The following WDPCP variants were observed in gnomAD, a reference collection of about 807,000 sequenced individuals.
WDPCP encodes WD repeat-containing and planar cell polarity effector protein fritz homolog.
WDPCP carries 71 observed loss-of-function variants against 93.1 expected under a neutral mutation model. The ratio of observed to expected loss-of-function variants is 0.76; its 90% confidence interval spans 0.63 to 0.93. WDPCP has a LOEUF of 0.93. WDPCP is among the 40% of genes least tolerant of loss of function. The probability of loss-of-function intolerance (pLI) is 0.00; values close to 1 mark genes in which losing one functional copy is unlikely to be tolerated. For missense variants in WDPCP, 844 were observed against 887.4 expected (o/e 0.95, Z 0.62); for synonymous variants, 315 against 315.0 (o/e 1.00, Z 0.00).
chr2:63,583,368 G>C (rs1363187770), intron 1 of WDPCP, among the ~76,000 whole-genome samples: 1 of 152,096 alleles, frequency 6.6e-6, no homozygotes, highest in Non-Finnish European at 1.5e-5. Flanking sequence ...ATAGCAAGAC[G>C]TCATTTAAAT....
At chr2:63,742,670 ATAAC>A (rs1369047059) in intron 2 of WDPCP, among the ~76,000 whole-genome samples, 7 of 147,822 alleles carry the variant, frequency 4.7e-5, no homozygotes, top group Middle Eastern at 3.4e-3. Context: ...GAGAGCAGTG[ATAAC>A]TAACAAAAGA....
intron 3 of WDPCP, among the ~76,000 whole-genome samples, chr2:63,645,405 C>T (rs962034957): frequency 3.9e-5 from 6 of 152,032 alleles, no homozygotes; most frequent in Non-Finnish European, 7.4e-5. Flanking sequence ...TGTTTTAAGG[C>T]TTGTTTTATG....
intron 1 of WDPCP, among the ~76,000 whole-genome samples, chr2:63,538,290 C>T (rs771767240): frequency 4.7e-4 from 71 of 152,004 alleles, no homozygotes; most frequent in Non-Finnish European, 9.6e-4. Context: ...ATGTACAGAA[C>T]CCCAAATAAG....
chr2:63,380,860 G>C lies in WDPCP; in HGVS notation c.1624+1046C>G, dbSNP rs527595885. Reference sequence around the variant, plus strand: ...CAAGACCCACGATACAGACTTCCTGGAAAAGCATGTACTTACTAATTATTC... The same window carrying C: ...CAAGACCCACGATACAGACTTCCTGCAAAAGCATGTACTTACTAATTATTC... On this transcript the variant is annotated intron_variant, in intron 11 of 17. Transcript: ENST00000272321. Among the ~76,000 whole-genome samples, 31 of 152,224 alleles carry C rather than the reference G, an allele frequency of 2.0e-4. No homozygotes were observed. In the South Asian group the frequency reaches 5.6e-3, roughly 27 times the overall value.
intron 12 of WDPCP, among the ~76,000 whole-genome samples, chr2:63,369,892 G>C (rs1238456165): frequency 6.6e-6 from 1 of 151,988 alleles, no homozygotes; most frequent in Non-Finnish European, 1.5e-5. Context: ...AAAATATAAG[G>C]ACTTCTTTTA....
At chr2:63,486,466 T>C (rs1003526782) in intron 4 of WDPCP, 76 bp downstream of exon 4, 1 of 1,371,574 alleles carries the variant, frequency 7.3e-7, no homozygotes. Context: ...AGTTTCCTCT[T>C]TGTTCCAGAT....
At chr2:63,832,329 T>C (rs552181248), upstream of WDPCP, among the ~76,000 whole-genome samples, 9 of 152,316 alleles carry the variant, frequency 5.9e-5, no homozygotes, top group African/African-American at 1.7e-4. Flanking sequence ...AGGCATGAGG[T>C]TGAAAGCTGA....
intron 14 of WDPCP, among the ~76,000 whole-genome samples, chr2:63,242,596 G>A (rs566891870): frequency 6.5e-4 from 99 of 152,228 alleles, no homozygotes; most frequent in Non-Finnish European, 1.3e-3. Context: ...CACTCTAGCC[G>A]TGGCAACAGA....
At chr2:63,465,166 G>T (rs1558670358) in intron 6 of WDPCP, among the ~76,000 whole-genome samples, 1 of 151,828 alleles carries the variant, frequency 6.6e-6, no homozygotes, top group East Asian at 1.9e-4. Flanking sequence ...TATTTAAAAA[G>T]CAGGTACCTG....
chr2:63,469,470 G>A (rs1163444004), intron 6 of WDPCP, among the ~76,000 whole-genome samples: 1 of 152,206 alleles, frequency 6.6e-6, no homozygotes, highest in Non-Finnish European at 1.5e-5. Flanking sequence ...GTGGTAGACT[G>A]GATAAAGAAA....
chr2:63,627,703 C>T (rs1709824755), intron 3 of WDPCP, among the ~76,000 whole-genome samples: 2 of 152,192 alleles, frequency 1.3e-5, no homozygotes, highest in African/African-American at 4.8e-5. Flanking sequence ...GACTGCCAGA[C>T]TTGAAGGGAA....
intron 15 of WDPCP, among the ~76,000 whole-genome samples, chr2:63,172,709 A>C (rs552009349): frequency 4.6e-5 from 7 of 152,186 alleles, no homozygotes; most frequent in Non-Finnish European, 7.3e-5. Flanking sequence ...AATTGTAAAT[A>C]AAATGGAAAA....
chr2:63,616,849 T>A (rs1709678427), intron 3 of WDPCP, among the ~76,000 whole-genome samples: 1 of 152,218 alleles, frequency 6.6e-6, no homozygotes, highest in Admixed American at 6.5e-5. Flanking sequence ...ACTTTGAGAT[T>A]ATCCAACAAA....
intron 3 of WDPCP, among the ~76,000 whole-genome samples, chr2:63,638,067 T>C (rs552479608): frequency 5.3e-5 from 8 of 152,286 alleles, no homozygotes; most frequent in South Asian, 4.1e-4. Context: ...TAGAATATTA[T>C]TGAGTCATAA....
upstream of WDPCP, among the ~76,000 whole-genome samples, chr2:63,832,834 A>T (rs1671234552): frequency 6.6e-6 from 1 of 152,254 alleles, no homozygotes; most frequent in South Asian, 2.1e-4. Flanking sequence ...GGAAATAAAT[A>T]TTTAATAAGT....
At chr2:63,715,592 G>A (rs1669325544) in intron 2 of WDPCP, among the ~76,000 whole-genome samples, 1 of 152,192 alleles carries the variant, frequency 6.6e-6, no homozygotes, top group Non-Finnish European at 1.5e-5. Flanking sequence ...GACAGCTACA[G>A]AGCTTGAGAT....
chr2:63,330,137 T>C (rs554305624), intron 12 of WDPCP, among the ~76,000 whole-genome samples: 1 of 152,324 alleles, frequency 6.6e-6, no homozygotes, highest in African/African-American at 2.4e-5. Context: ...ATGATAGTTT[T>C]GTTTTTAATA....
intron 13 of WDPCP, among the ~76,000 whole-genome samples, chr2:63,281,593 G>T (rs960384072): frequency 2.0e-5 from 3 of 152,094 alleles, no homozygotes; most frequent in African/African-American, 7.2e-5. Flanking sequence ...ACCAATCAAC[G>T]AGCGGATAAA....
At chr2:63,739,986 T>C (rs1175493075) in intron 2 of WDPCP, among the ~76,000 whole-genome samples, 2 of 152,120 alleles carry the variant, frequency 1.3e-5, no homozygotes, top group Non-Finnish European at 2.9e-5. Context: ...CTAATGAACA[T>C]TATGTTCATT....
Sources: gnomAD v4.1 joint callset for allele counts (sites outside exome capture counted in the v4.1 genomes callset) on GRCh38, gnomAD v4.1.1 for gene constraint, MANE v1.5 for transcripts, NCBI Gene and HGNC (gene_info 2026-07-23, HGNC 2026-07-21) for gene names.